The following DGKD variants were observed in gnomAD, a reference collection of about 807,000 sequenced individuals.
DGKD encodes diacylglycerol kinase delta.
A neutral mutation model predicts 154.4 loss-of-function variants in DGKD; 68 were observed. The observed-to-expected ratio is 0.44, with a 90% CI of 0.36 to 0.54. The LOEUF is 0.54. Among genes scored for constraint, DGKD ranks in the 20% least tolerant of loss-of-function variants. DGKD has a pLI of 0.00. For missense variants in DGKD, 1,343 were observed against 1,593.6 expected (o/e 0.84, Z 2.68); for synonymous variants, 693 against 638.0 (o/e 1.09, Z -1.30).
chr2:233,413,546 G>A (rs1223503967), intron 3 of DGKD, among the ~76,000 whole-genome samples: 1 of 152,158 alleles, frequency 6.6e-6, no homozygotes, highest in Non-Finnish European at 1.5e-5. Flanking sequence ...TTGTTGATCT[G>A]TTTTCATCCC....
chr2:233,355,161 C>T (rs1701481311), intron 1 of DGKD, among the ~76,000 whole-genome samples: 1 of 152,072 alleles, frequency 6.6e-6, no homozygotes, highest in African/African-American at 2.4e-5. Flanking sequence ...CCTCAGAAGT[C>T]CGCTCGGACC....
chr2:233,410,368 C>T (rs766168611), intron 3 of DGKD, among the ~76,000 whole-genome samples: 1 of 152,180 alleles, frequency 6.6e-6, no homozygotes, highest in South Asian at 2.1e-4. Flanking sequence ...AGGTCATGGG[C>T]GCAGCTGACT....
At chr2:233,409,038 T>G (rs2061756823) in intron 3 of DGKD, 1 of 152,262 alleles carries the variant, frequency 6.6e-6, no homozygotes, top group Admixed American at 6.5e-5. Context: ...TGTCCTCTTC[T>G]GGCAGCCTGG....
intron 3 of DGKD, among the ~76,000 whole-genome samples, chr2:233,408,119 T>A (rs577784352): frequency 2.7e-5 from 4 of 148,648 alleles, no homozygotes; most frequent in African/African-American, 9.9e-5. Flanking sequence ...CTCAGCTCAC[T>A]GCAACCTCCG....
intron 1 of DGKD, among the ~76,000 whole-genome samples, chr2:233,361,197 A>G (rs906196692): frequency 2.6e-5 from 4 of 152,096 alleles, no homozygotes; most frequent in Non-Finnish European, 4.4e-5. Flanking sequence ...TCCCCTCACA[A>G]TTTGGATTGG....
At chr2:233,399,645 G>T (rs2061509603) in intron 3 of DGKD, among the ~76,000 whole-genome samples, 1 of 152,208 alleles carries the variant, frequency 6.6e-6, no homozygotes, top group African/African-American at 2.4e-5. Flanking sequence ...CCAGGCTGGG[G>T]TGGGTTTGGG....
At chr2:233,375,917 C>G (rs1264187610) in intron 1 of DGKD, among the ~76,000 whole-genome samples, 1 of 152,180 alleles carries the variant, frequency 6.6e-6, no homozygotes, top group African/African-American at 2.4e-5. Context: ...GGAGCAGTTT[C>G]CTGAAAGGTC....
At chr2:233,419,126 C>G in intron 3 of DGKD, 1 of 645,520 alleles carries the variant, frequency 1.5e-6, no homozygotes, top group Non-Finnish European at 1.9e-6. Flanking sequence ...CAGAAATGAC[C>G]CAGGGCGCCA....
chr2:233,457,318 A>G lies in DGKD; in HGVS notation c.2570A>G (p.Lys857Arg). Residue 857 changes from lysine to arginine, a missense_variant, in exon 21 of 30, where the codon AAG (lysine) becomes AGG (arginine). Coordinates refer to ENST00000264057, the MANE Select transcript of DGKD (RefSeq NM_152879.3). The surrounding 1 kb of genome is among the most constrained non-coding windows in gnomAD (Gnocchi z 5.5). ...GGAACCAACTTCTGGGGGGGTACCAAGGAAGATGATGTATGTATGGGGTGT... is the reference window on the plus strand; with the variant it reads ...GGAACCAACTTCTGGGGGGGTACCAGGGAAGATGATGTATGTATGGGGTGT... The part of the protein sequence containing the change: ...AGGTNFWGGT[K>R]EDDTFAAPSF... The G allele has an allele frequency of 1.9e-6, 3 of 1,538,870 alleles. No individual in the cohort carries two copies. Among genetic ancestry groups the G allele is most frequent in the Non-Finnish European group, 2.6e-6 (3 of 1,141,348 alleles).
At chr2:233,381,799 A>T (rs193057585) in intron 1 of DGKD, among the ~76,000 whole-genome samples, 23 of 152,342 alleles carry the variant, frequency 1.5e-4, no homozygotes, top group African/African-American at 5.3e-4. Context: ...TAGTTGTTCA[A>T]CCGGGCAAGT....
intron 3 of DGKD, among the ~76,000 whole-genome samples, chr2:233,414,469 A>T (rs1388280483): frequency 5.3e-5 from 8 of 152,238 alleles, no homozygotes; most frequent in Non-Finnish European, 1.2e-4. Context: ...CTGCCAGACC[A>T]CAGGGTCACC....
intron 3 of DGKD, among the ~76,000 whole-genome samples, chr2:233,397,542 G>A (rs1406292445): frequency 7.9e-6 from 1 of 126,638 alleles, no homozygotes; most frequent in Non-Finnish European, 1.7e-5. Flanking sequence ...GGCTGGGGGG[G>A]GGGGGCAGAG....
intron 1 of DGKD, among the ~76,000 whole-genome samples, chr2:233,372,309 A>G (rs1702362726): frequency 1.3e-5 from 2 of 152,242 alleles, no homozygotes. Context: ...GGCGTGAGCT[A>G]CTGAGCCCAG....
chr2:233,370,554 C>G (rs529452962), intron 1 of DGKD, among the ~76,000 whole-genome samples: 1 of 145,042 alleles, frequency 6.9e-6, no homozygotes, highest in Admixed American at 6.9e-5. Context: ...TTACGTTGTA[C>G]GTTTCAGAAC....
intron 3 of DGKD, among the ~76,000 whole-genome samples, chr2:233,416,114 A>T (rs1057457443): frequency 2.0e-5 from 3 of 152,074 alleles, no homozygotes; most frequent in Non-Finnish European, 4.4e-5. Flanking sequence ...CCTTTCCCTC[A>T]TTTATGTTTT....
intron 19 of DGKD, among the ~76,000 whole-genome samples, chr2:233,456,324 G>A (rs537614430): frequency 3.0e-4 from 46 of 152,366 alleles, no homozygotes; most frequent in East Asian, 9.6e-4. Flanking sequence ...TGCAGAGAGC[G>A]TGTGGCCACA....
intron 12 of DGKD, 189 bp from the exon 13 acceptor site, chr2:233,447,897 TA>T (rs1431344766): frequency 1.4e-6 from 2 of 1,422,308 alleles, no homozygotes; most frequent in African/African-American, 2.9e-5. Context: ...ATCTCTCACC[TA>T]GCACTAGGTG....
intron 2 of DGKD, among the ~76,000 whole-genome samples, chr2:233,389,511 A>G (rs908166200): frequency 1.3e-5 from 2 of 152,078 alleles, no homozygotes; most frequent in African/African-American, 4.8e-5. Flanking sequence ...AAGTTACTGC[A>G]TTAAAATTTG....
chr2:233,395,488 G>GGTACCATTAAA (rs1703947536), intron 3 of DGKD, among the ~76,000 whole-genome samples: 1 of 151,096 alleles, frequency 6.6e-6, no homozygotes, highest in Non-Finnish European at 1.5e-5. Flanking sequence ...TTATTTTAAT[G>GGTACCATTAAA]GTCTCTTGGT....
Sources: allele counts gnomAD v4.1 joint callset (sites outside exome capture counted in the v4.1 genomes callset), GRCh38; gene constraint gnomAD v4.1.1; non-coding constraint Gnocchi (gnomAD v3.1); transcripts MANE v1.5; gene names NCBI Gene and HGNC (gene_info 2026-07-23, HGNC 2026-07-21).